Variants in THAP8 observed in about 807,000 individuals in gnomAD.
THAP8 encodes THAP domain containing 8, also known as THAP domain-containing protein 8.
A neutral mutation model predicts 25.0 loss-of-function variants in THAP8; 24 were observed. The ratio of observed to expected loss-of-function variants is 0.96; its 90% CI spans 0.69 to 1.35. The LOEUF (loss-of-function observed/expected upper bound fraction) is 1.35, where lower values mean the gene tolerates loss of function less well. THAP8 is among the 40% of genes most tolerant of loss of function. The probability of loss-of-function intolerance (pLI) is 0.00; values close to 1 mark genes in which losing one functional copy is unlikely to be tolerated. For synonymous variants in THAP8, 169 were observed against 157.6 expected, an observed-to-expected ratio of 1.07 and a Z score of -0.54; for missense variants, 399 against 368.8, an observed-to-expected ratio of 1.08 and a Z score of -0.67.
rs554091872 is a variant in THAP8 at position 36,036,741 on chromosome 19, G to A, written c.673-1149C>T. On this transcript the variant is annotated intron_variant, in intron 3 of 3. Coordinates refer to ENST00000292894, the MANE Select transcript of THAP8 (RefSeq NM_152658.3). ...TGATTACCTGAGGTCAGGAGCTCAA[G>A]ACCAGCCTGGCCAACATGGCAAAAC... Among the ~76,000 whole-genome samples the A allele has an allele frequency of 1.8e-3, 281 of 152,116 alleles. 3 individuals are homozygous for A. Among genetic ancestry groups the A allele is most frequent in the African/African-American group, 6.6e-3 (274 of 41,508 alleles).
chr19:36,044,650 T>C (rs1284034105), intron 1 of THAP8, among the ~76,000 whole-genome samples: 2 of 151,974 alleles, frequency 1.3e-5, no homozygotes, highest in Admixed American at 6.6e-5. Context: ...CCACCACACC[T>C]GGCTAATTTA....
chr19:36,051,445 A>C (rs1411251132), intron 1 of THAP8, among the ~76,000 whole-genome samples: 11 of 152,032 alleles, frequency 7.2e-5, no homozygotes, highest in Admixed American at 7.2e-4. Context: ...TCAGGTGTTC[A>C]CAGGCTCCCT....
chr19:36,043,514 T>C (rs1372909886), intron 1 of THAP8, among the ~76,000 whole-genome samples: 2 of 152,160 alleles, frequency 1.3e-5, no homozygotes, highest in African/African-American at 2.4e-5. Context: ...ATGATCAAAA[T>C]TGTACACTTA....
chr19:36,053,962 T>C (rs1970184404), intron 1 of THAP8, among the ~76,000 whole-genome samples, 173 bp downstream of exon 1: 1 of 151,890 alleles, frequency 6.6e-6, no homozygotes, highest in African/African-American at 2.4e-5. Context: ...TTCCCACGCC[T>C]GCACCTTTGT....
At chr19:36,049,363 T>A (rs540279115) in intron 1 of THAP8, among the ~76,000 whole-genome samples, 62 of 150,512 alleles carry the variant, frequency 4.1e-4, no homozygotes, top group African/African-American at 1.5e-3. Flanking sequence ...AGATCATGTT[T>A]CAAAAAAAAA....
Position 36,053,072 on chromosome 19 carries a change from A to AT in THAP8, c.83+1062_83+1063insA, listed in dbSNP as rs1328893011. 1.1e-3 allele frequency among the ~76,000 whole-genome samples: 174 copies of AT among 151,430 alleles called. 2 individuals carry two copies. The East Asian group carries it at 0.023, about 20-fold the overall frequency. On this transcript the variant is annotated intron_variant, in intron 1 of 3. Transcript: ENST00000292894. ...ATCCCATCTCTCTCTTTAAAAACAA[A>AT]ATTTTTTTTTTTGAGACGGAGTCTC...
At chr19:36,049,429 T>C (rs1048622894) in intron 1 of THAP8, among the ~76,000 whole-genome samples, 2 of 152,036 alleles carry the variant, frequency 1.3e-5, no homozygotes, top group African/African-American at 2.4e-5. Context: ...GATTTCAAGT[T>C]ATTTCCTGGC....
At chr19:36,043,638 G>C (rs1339565829) in intron 1 of THAP8, among the ~76,000 whole-genome samples, 1 of 152,086 alleles carries the variant, frequency 6.6e-6, no homozygotes, top group Non-Finnish European at 1.5e-5. Context: ...AGGCCGAGGT[G>C]GGCGGATCAC....
chr19:36,037,278 A>ACC (rs1272067260), intron 3 of THAP8, among the ~76,000 whole-genome samples: 1 of 98,420 alleles, frequency 1.0e-5, no homozygotes, highest in Non-Finnish European at 2.0e-5. Context: ...ACACACACAC[A>ACC]CCTTCCTCAG....
intron 3 of THAP8, among the ~76,000 whole-genome samples, chr19:36,038,708 G>A (rs1472137200): frequency 1.3e-5 from 2 of 152,136 alleles, no homozygotes; most frequent in African/African-American, 4.8e-5. Flanking sequence ...AAAATTAGCT[G>A]AGCGTGGTGG....
intron 3 of THAP8, among the ~76,000 whole-genome samples, chr19:36,036,895 C>T (rs892910097): frequency 6.7e-6 from 1 of 149,228 alleles, no homozygotes; most frequent in Admixed American, 6.7e-5. Context: ...GAGCTGAGAT[C>T]GCACCACTCC....
In THAP8 at chr19:36,054,250, C is replaced by T. The variant is rs377762990; in HGVS notation, c.-33G>A. ...CAGCCCCCGCTGAGTTTTGCCGGGTCAGCGGCTGCACTTTGGTTCTCGCGG... is the reference window on the plus strand; with the variant it reads ...CAGCCCCCGCTGAGTTTTGCCGGGTTAGCGGCTGCACTTTGGTTCTCGCGG... On this transcript the variant is annotated 5_prime_UTR_variant, in exon 1 of 4. Transcript: ENST00000292894. 3.1e-4 allele frequency: 497 copies of T among 1,604,656 alleles called. 1 individual carries two copies. Among genetic ancestry groups the T allele is most frequent in the Middle Eastern group, 1.0e-3 (6 of 5,810 alleles).
At chr19:36,036,041 G>C (rs1166972259) in intron 3 of THAP8, among the ~76,000 whole-genome samples, 1 of 152,092 alleles carries the variant, frequency 6.6e-6, no homozygotes, top group African/African-American at 2.4e-5. Context: ...TTGAATGACA[G>C]GAGGGGAGGC....
rs192130325 is a variant in THAP8, at chr19:36,048,563, C to A, written c.83+5572G>T. Among the ~76,000 whole-genome samples the A allele has an allele frequency of 2.4e-4, 36 of 152,030 alleles. No individual in the cohort carries two copies. The East Asian group carries it at 5.2e-3, about 22-fold the overall frequency. On this transcript the variant is annotated intron_variant, in intron 1 of 3. Transcript: ENST00000292894. ...TATTTTTAGTAGAAATGGGGCTTCA[C>A]CATGTTGGCCAGGCTGGTCTCAAAC...
At chr19:36,038,058 C>G (rs1246444554) in intron 3 of THAP8, among the ~76,000 whole-genome samples, 1 of 152,126 alleles carries the variant, frequency 6.6e-6, no homozygotes, top group Non-Finnish European at 1.5e-5. Context: ...AATTCTCACA[C>G]CTTAGCCTCC....
intron 3 of THAP8, among the ~76,000 whole-genome samples, chr19:36,037,957 G>A (rs866926765): frequency 4.0e-5 from 6 of 151,440 alleles, no homozygotes; most frequent in Middle Eastern, 3.4e-3. Flanking sequence ...TTTTGTTTTT[G>A]TTTTTGAGAT....
chr19:36,040,112 C>CCGGG lies in THAP8; in HGVS notation c.104_107dup (p.Leu37ProfsTer12). 6.2e-7 allele frequency: 1 copy of CCGGG among 1,610,092 alleles called. No homozygotes were observed. Among genetic ancestry groups the CCGGG allele is most frequent in the Non-Finnish European group, 8.5e-7 (1 of 1,177,760 alleles). On this transcript the variant is annotated frameshift_variant, in exon 2 of 4. Coordinates refer to ENST00000292894, the MANE Select transcript of THAP8 (RefSeq NM_152658.3). LOFTEE classifies it high-confidence loss of function. Reference sequence around the variant, plus strand: ...CCATGTGCTGCAGCCAGGCCTGCAGCCGGGGACCATCCTTCAGTGGGAACC... The same window carrying CCGGG: ...CCATGTGCTGCAGCCAGGCCTGCAGCCGGGCGGGGACCATCCTTCAGTGGGAACC...
rs61747265 is a variant in THAP8, at chr19:36,054,255, G to T, written c.-38C>A. ...CCCGCTGAGTTTTGCCGGGTCAGCG[G>T]CTGCACTTTGGTTCTCGCGGAGCGC... On this transcript the variant is annotated 5_prime_UTR_variant, in exon 1 of 4. Transcript: ENST00000292894. 1 of 1,600,810 alleles carries T rather than the reference G, an allele frequency of 6.2e-7. No individual in the cohort carries two copies. The highest frequency in any genetic ancestry group is 8.5e-7 in the Non-Finnish European group (1 of 1,173,654).
intron 3 of THAP8, 141 bp downstream of exon 3, chr19:36,039,182 A>AC: frequency 8.1e-7 from 1 of 1,241,684 alleles, no homozygotes; most frequent in South Asian, 1.8e-5. Flanking sequence ...GGCGTGAGCC[A>AC]CTGAGCCCGG....
Sources: allele counts gnomAD v4.1 joint callset (sites outside exome capture counted in the v4.1 genomes callset), GRCh38; gene constraint gnomAD v4.1.1; transcripts MANE v1.5; gene names NCBI Gene and HGNC (gene_info 2026-07-23, HGNC 2026-07-21).